The following MAP2K5 variants were observed in gnomAD, a reference collection of about 807,000 sequenced individuals.
MAP2K5 encodes dual specificity mitogen-activated protein kinase kinase 5.
MAP2K5 carries 49 observed loss-of-function variants against 83.1 expected under a neutral mutation model. The observed-to-expected ratio is 0.59, with a 90% CI of 0.47 to 0.75. MAP2K5 has a LOEUF of 0.75. MAP2K5 is among the 30% of genes least tolerant of loss of function. The pLI, the probability that MAP2K5 is intolerant of heterozygous loss-of-function variation, is 0.00. For missense variants in MAP2K5, 457 were observed against 557.5 expected, an observed-to-expected ratio of 0.82 and a Z score of 1.82; for synonymous variants, 202 against 191.8, an observed-to-expected ratio of 1.05 and a Z score of -0.44.
intron 4 of MAP2K5, chr15:67,585,623 G>T (rs2085271828): frequency 2.4e-6 from 1 of 416,828 alleles, no homozygotes; most frequent in African/African-American, 2.0e-5. Flanking sequence ...AATCATTTTA[G>T]CTCAGTTAAC....
chr15:67,664,250 T>C (rs2087312912), intron 12 of MAP2K5, among the ~76,000 whole-genome samples: 1 of 144,934 alleles, frequency 6.9e-6, no homozygotes, highest in Non-Finnish European at 1.5e-5. Flanking sequence ...TCCTAGCACT[T>C]TGGGAGGCTG....
At chr15:67,716,957 A>C (rs577095582) in intron 16 of MAP2K5, among the ~76,000 whole-genome samples, 15 of 152,250 alleles carry the variant, frequency 9.9e-5, no homozygotes, top group Non-Finnish European at 2.2e-4. Context: ...GCAAATGAGG[A>C]AACTTAGATC....
At chr15:67,548,969 A>G (rs2140942778) in intron 1 of MAP2K5, 9 of 1,381,290 alleles carry the variant, frequency 6.5e-6, no homozygotes, top group South Asian at 5.1e-5. Context: ...CCACTGCAGC[A>G]AAAGCTTCTA....
intron 8 of MAP2K5, among the ~76,000 whole-genome samples, chr15:67,608,502 G>A (rs921899544): frequency 6.6e-6 from 1 of 152,134 alleles, no homozygotes; most frequent in Non-Finnish European, 1.5e-5. Context: ...CCCACAGTCT[G>A]GGGCCACCTG....
At chr15:67,693,435 A>T (rs1445297141) in intron 14 of MAP2K5, 83 bp from the exon 15 acceptor site, 4 of 1,045,660 alleles carry the variant, frequency 3.8e-6, no homozygotes, top group Non-Finnish European at 5.9e-6. Flanking sequence ...ATGAATGATG[A>T]TTGTAGGTTA....
intron 21 of MAP2K5, among the ~76,000 whole-genome samples, chr15:67,799,779 T>TA (rs2090668838): frequency 6.6e-6 from 1 of 152,140 alleles, no homozygotes; most frequent in Admixed American, 6.5e-5. Flanking sequence ...TCAGGAGTGT[T>TA]ACAACAGCAG....
At chr15:67,566,698 T>C (rs1365859367) in intron 3 of MAP2K5, among the ~76,000 whole-genome samples, 1 of 152,230 alleles carries the variant, frequency 6.6e-6, no homozygotes, top group Non-Finnish European at 1.5e-5. Flanking sequence ...AAGAATTACT[T>C]TTTCCCCCTC....
At chr15:67,697,213 T>C (rs993473113) in intron 15 of MAP2K5, among the ~76,000 whole-genome samples, 4 of 152,186 alleles carry the variant, frequency 2.6e-5, no homozygotes, top group Non-Finnish European at 5.9e-5. Context: ...TCCCTCACTT[T>C]ATATTCATGC....
At chr15:67,734,179 A>G (rs1344714326) in intron 17 of MAP2K5, among the ~76,000 whole-genome samples, 1 of 152,216 alleles carries the variant, frequency 6.6e-6, no homozygotes, top group Non-Finnish European at 1.5e-5. Flanking sequence ...AAAGTTTGCT[A>G]AATAATTGGG....
At position 67,736,863 on chromosome 15, in the gene MAP2K5, G is replaced by T. The variant is rs1362742587; in HGVS notation, c.1074+8918G>T. Among the ~76,000 whole-genome samples the T allele has an allele frequency of 6.6e-6, 1 of 152,182 alleles. No homozygotes were observed. Among genetic ancestry groups the T allele is most frequent in the East Asian group, 1.9e-4 (1 of 5,198 alleles). On this transcript the variant is annotated intron_variant, in intron 17 of 21. Transcript: ENST00000178640. This position sits in a 1 kb window ranked among gnomAD's most constrained non-coding sequence, Gnocchi z 4.3. ...CTTCTCTCCCTTTGCTTTTATTGAT[G>T]CAGTCTGCTACTTTATGGAATCATA...
chr15:67,782,192 GCCT>G lies in MAP2K5; in HGVS notation c.1242+9442_1242+9444del, dbSNP rs1039181908. ...CTTTCACAAAGAGGCAGTGTCTCCC[GCCT>G]CTGCGGTTTCAATAATTTTAAGAGC... is the stretch of plus-strand genomic sequence containing the variant. On this transcript the variant is annotated intron_variant, in intron 21 of 21. Transcript: ENST00000178640. This position sits in a 1 kb window ranked among gnomAD's most constrained non-coding sequence, Gnocchi z 4.9. Among the ~76,000 whole-genome samples, 1 of 152,214 alleles carries G rather than the reference GCCT, an allele frequency of 6.6e-6. No individual in the cohort carries two copies. Among genetic ancestry groups the G allele is most frequent in the Non-Finnish European group, 1.5e-5 (1 of 68,036 alleles).
chr15:67,592,233 A>G (rs1308873727), intron 6 of MAP2K5, among the ~76,000 whole-genome samples: 1 of 152,166 alleles, frequency 6.6e-6, no homozygotes, highest in East Asian at 1.9e-4. Context: ...GCTGAGTCTC[A>G]TACCCATAGG....
intron 6 of MAP2K5, among the ~76,000 whole-genome samples, chr15:67,589,021 A>G (rs2085343634): frequency 6.6e-6 from 1 of 151,154 alleles, no homozygotes; most frequent in South Asian, 2.1e-4. Context: ...TTTAATTTTT[A>G]GTTTGTAGAG....
intron 17 of MAP2K5, among the ~76,000 whole-genome samples, chr15:67,737,844 C>CTTTTTTTTTTTT (rs35988425): frequency 1.4e-5 from 1 of 69,294 alleles, no homozygotes; most frequent in Non-Finnish European, 2.5e-5. Context: ...ATAGAATAGT[C>CTTTTTTTTTTTT]TTTTTTTTTT....
rs1245547041 is a variant in MAP2K5 at position 67,702,657 on chromosome 15, GC to G, written c.973-678del. ...TTTTGAAGTTGAGAGTGTTTATGTA[GC>G]CTCTTTTAGACCGGGTATTTGCTAT... On this transcript the variant is annotated intron_variant, in intron 15 of 21. Transcript: ENST00000178640. The surrounding 1 kb of genome is among the most constrained non-coding windows in gnomAD (Gnocchi z 4.6). Among the ~76,000 whole-genome samples, 1 of 152,170 alleles carries G rather than the reference GC, an allele frequency of 6.6e-6. No homozygotes were observed. Among genetic ancestry groups the G allele is most frequent in the Non-Finnish European group, 1.5e-5 (1 of 68,034 alleles).
At chr15:67,551,912 T>A (rs2084518072) in intron 2 of MAP2K5, among the ~76,000 whole-genome samples, 1 of 152,210 alleles carries the variant, frequency 6.6e-6, no homozygotes, top group Non-Finnish European at 1.5e-5. Context: ...TATTGTTGAA[T>A]AAACAAATAA....
chr15:67,713,885 A>G (rs940259552), intron 16 of MAP2K5, among the ~76,000 whole-genome samples: 1 of 152,214 alleles, frequency 6.6e-6, no homozygotes, highest in Non-Finnish European at 1.5e-5. Context: ...TTGAACTGTT[A>G]AAGAGCTTAG....
intron 2 of MAP2K5, among the ~76,000 whole-genome samples, chr15:67,553,576 T>C (rs1306649419): frequency 6.6e-6 from 1 of 152,252 alleles, no homozygotes; most frequent in Non-Finnish European, 1.5e-5. Flanking sequence ...GTGACTTTTT[T>C]TTCTGAACCA....
chr15:67,642,288 T>G (rs1308642694), intron 9 of MAP2K5: 1 of 537,674 alleles, frequency 1.9e-6, no homozygotes, highest in Non-Finnish European at 3.2e-6. Flanking sequence ...AAATCCTACA[T>G]CACTTACTAG....
Sources: gnomAD v4.1 joint callset for allele counts (sites outside exome capture counted in the v4.1 genomes callset) on GRCh38, gnomAD v4.1.1 for gene constraint, Gnocchi (gnomAD v3.1) non-coding constraint, MANE v1.5 for transcripts, NCBI Gene and HGNC (gene_info 2026-07-23, HGNC 2026-07-21) for gene names.